Variants in TOM1L2 observed in about 807,000 individuals in gnomAD.
TOM1L2 encodes the protein target of myb1 like 2 membrane trafficking protein.
Under a neutral mutation model 67.9 loss-of-function variants are expected in TOM1L2, and 31 were observed. The observed-to-expected ratio is 0.46, with a 90% CI of 0.34 to 0.62. The LOEUF (loss-of-function observed/expected upper bound fraction) is 0.62. Ranked by LOEUF, TOM1L2 falls within the 20% of genes least tolerant of loss-of-function variation. The probability of loss-of-function intolerance (pLI) is 0.01; values close to 1 mark genes in which losing one functional copy is unlikely to be tolerated. For missense variants in TOM1L2, 606 were observed against 663.5 expected (o/e 0.91, Z 0.95); for synonymous variants, 256 against 254.0 (o/e 1.01, Z -0.07).
At chr17:17,866,490 G>A (rs2036857468) in intron 9 of TOM1L2, 71 bp from the exon 10 acceptor site, 2 of 1,489,240 alleles carry the variant, frequency 1.3e-6, no homozygotes, top group Non-Finnish European at 1.8e-6. Context: ...AGCTGGCAAG[G>A]CAACTATGCA....
intron 3 of TOM1L2, among the ~76,000 whole-genome samples, chr17:17,895,921 C>G (rs986988508): frequency 1.2e-4 from 18 of 152,210 alleles, no homozygotes; most frequent in Non-Finnish European, 2.2e-4. Context: ...CCAGGCAGCT[C>G]CGCAGCCAGC....
intron 4 of TOM1L2, among the ~76,000 whole-genome samples, chr17:17,892,107 GT>G (rs1230096522): frequency 6.6e-6 from 1 of 152,180 alleles, no homozygotes; most frequent in Non-Finnish European, 1.5e-5. Context: ...CAGAGAGTGT[GT>G]GTGCTTAAAA....
intron 3 of TOM1L2, among the ~76,000 whole-genome samples, chr17:17,895,830 T>A (rs2038541220): frequency 6.6e-6 from 1 of 152,200 alleles, no homozygotes; most frequent in Admixed American, 6.5e-5. Flanking sequence ...ATGGGAATCA[T>A]CCCATTTTAG....
chr17:17,850,230 G>C (rs1054763708), intron 13 of TOM1L2, among the ~76,000 whole-genome samples: 2 of 152,212 alleles, frequency 1.3e-5, no homozygotes, highest in Non-Finnish European at 1.5e-5. Context: ...CTGGGCTGCT[G>C]AGAGTGAAAG....
Position 17,884,857 on chromosome 17 carries a change from AC to A in TOM1L2, c.367-90del, listed in dbSNP as rs2037914287. On this transcript the variant is annotated intron_variant, in intron 4 of 14. Transcript: ENST00000379504. The stretch of plus-strand genomic sequence containing the variant: ...AAGTGGCCCACGTCCTCTCCCCGAG[AC>A]CAGTGCTCTCCTACTTGCACATGCA... 6 of 1,548,658 alleles carry A rather than the reference AC, an allele frequency of 3.9e-6. No homozygotes were observed. In the Admixed American group the frequency reaches 1.0e-4, roughly 27 times the overall value.
chr17:17,851,112 G>C (rs1231693642), intron 12 of TOM1L2, 160 bp from the exon 13 acceptor site: 1 of 693,964 alleles, frequency 1.4e-6, no homozygotes, highest in Non-Finnish European at 2.5e-6. Context: ...GGGCAACACA[G>C]GGCAGCCACG....
At chr17:17,877,412 T>G (rs2037477985) in intron 7 of TOM1L2, among the ~76,000 whole-genome samples, 1 of 152,208 alleles carries the variant, frequency 6.6e-6, no homozygotes, top group Non-Finnish European at 1.5e-5. Flanking sequence ...CCGAGCACTC[T>G]GGCTGCCCTC....
chr17:17,905,204 C>T (rs573880157), intron 2 of TOM1L2, among the ~76,000 whole-genome samples: 12 of 152,324 alleles, frequency 7.9e-5, no homozygotes, highest in African/African-American at 2.9e-4. Context: ...AAATATGCCA[C>T]CTTTCACCAA....
intron 1 of TOM1L2, among the ~76,000 whole-genome samples, chr17:17,926,086 A>C (rs1234061508): frequency 1.3e-5 from 2 of 151,424 alleles, no homozygotes; most frequent in African/African-American, 4.9e-5. Context: ...TGAGAGGATC[A>C]CTTGAGCACA....
At chr17:17,861,340 C>T in intron 12 of TOM1L2, 136 bp downstream of exon 12, 1 of 724,066 alleles carries the variant, frequency 1.4e-6, no homozygotes, top group Admixed American at 2.6e-5. Flanking sequence ...CGGGGTGTCC[C>T]CCGTGGGTCT....
chr17:17,908,778 T>C (rs769797815), intron 1 of TOM1L2, among the ~76,000 whole-genome samples: 1 of 151,968 alleles, frequency 6.6e-6, no homozygotes, highest in Non-Finnish European at 1.5e-5. Flanking sequence ...ATCAAAAAAA[T>C]AGAAAATAAC....
At chr17:17,968,836 G>A (rs943918665) in intron 1 of TOM1L2, among the ~76,000 whole-genome samples, 1 of 151,936 alleles carries the variant, frequency 6.6e-6, no homozygotes, top group African/African-American at 2.4e-5. Context: ...GCTGTCCCTA[G>A]GCCCAATGAT....
At chr17:17,871,836 C>T (rs920074890) in intron 7 of TOM1L2, 6 of 373,332 alleles carry the variant, frequency 1.6e-5, no homozygotes, top group African/African-American at 2.2e-5. Flanking sequence ...CATCCCAGGC[C>T]CCACTGAACC....
At chr17:17,848,975 A>G in intron 13 of TOM1L2, 116 bp from the exon 14 acceptor site, 1 of 902,530 alleles carries the variant, frequency 1.1e-6, no homozygotes. Flanking sequence ...AGCCTGAACA[A>G]AACTTCCTAA....
intron 1 of TOM1L2, among the ~76,000 whole-genome samples, chr17:17,914,399 C>A (rs958171228): frequency 3.9e-5 from 6 of 152,316 alleles, no homozygotes; most frequent in Middle Eastern, 3.4e-3. Flanking sequence ...TCTTCCTAGG[C>A]CTGCCTGCCC....
At position 17,850,999 on chromosome 17, in the gene TOM1L2, C is replaced by T. The variant is rs188818770; in HGVS notation, c.1279-47G>A. On this transcript the variant is annotated intron_variant, in intron 12 of 14. Coordinates refer to ENST00000379504, the MANE Select transcript of TOM1L2 (RefSeq NM_001082968.2). ...GGCCAGGCAGCCCCCACACAGCCAGCGAGGGGAGACAGAACACCGGAACAA... is the reference window on the plus strand; with the variant it reads ...GGCCAGGCAGCCCCCACACAGCCAGTGAGGGGAGACAGAACACCGGAACAA... 9.8e-5 allele frequency: 157 copies of T among 1,599,936 alleles called. No homozygotes were observed. The East Asian group carries it at 3.1e-3, about 32-fold the overall frequency.
chr17:17,857,283 T>C (rs910000597), intron 12 of TOM1L2, among the ~76,000 whole-genome samples: 2 of 152,240 alleles, frequency 1.3e-5, no homozygotes, highest in African/African-American at 2.4e-5. Flanking sequence ...TCAAATCATT[T>C]TGACGGACTT....
chr17:17,958,073 G>A (rs1264999555), intron 1 of TOM1L2, among the ~76,000 whole-genome samples: 2 of 149,688 alleles, frequency 1.3e-5, no homozygotes, highest in Non-Finnish European at 1.5e-5. Context: ...CTGGGCAACA[G>A]AGCAAGACTC....
At chr17:17,914,224 A>G (rs942195256) in intron 1 of TOM1L2, among the ~76,000 whole-genome samples, 3 of 152,126 alleles carry the variant, frequency 2.0e-5, no homozygotes, top group African/African-American at 4.8e-5. Flanking sequence ...TCACTGCTGC[A>G]GGCTCCCAGC....
Sources: allele counts gnomAD v4.1 joint callset (sites outside exome capture counted in the v4.1 genomes callset), GRCh38; gene constraint gnomAD v4.1.1; transcripts MANE v1.5; gene names NCBI Gene and HGNC (gene_info 2026-07-23, HGNC 2026-07-21).